Variants in OSBPL8 observed in about 807,000 individuals in gnomAD.
The protein encoded by OSBPL8 is oxysterol-binding protein-related protein 8.
A neutral mutation model predicts 125.5 loss-of-function variants in OSBPL8; 59 were observed. That is an observed-to-expected ratio of 0.47 (90% CI 0.38 to 0.58). The LOEUF (loss-of-function observed/expected upper bound fraction) is 0.58. OSBPL8 is among the 20% of genes least tolerant of loss of function. The pLI is 0.00. For synonymous variants in OSBPL8, 330 were observed against 338.9 expected (o/e 0.97, Z 0.29); for missense variants, 758 against 1,047.8 (o/e 0.72, Z 3.82).
In OSBPL8 at chr12:76,451,361, C is replaced by T. The variant is rs79480265; in HGVS notation, c.80-373G>A. Reference sequence around the variant, plus strand: ...TCCCAAAAAAAAAAATACAAATCGTCGATAAACATATAAAGATACTCAGCC... The same window carrying T: ...TCCCAAAAAAAAAAATACAAATCGTTGATAAACATATAAAGATACTCAGCC... On this transcript the variant is annotated intron_variant, in intron 3 of 23. Coordinates refer to ENST00000261183, the MANE Select transcript of OSBPL8 (RefSeq NM_020841.5). Among the ~76,000 whole-genome samples the T allele has an allele frequency of 2.2e-4, 34 of 151,822 alleles. 1 individual carries two copies. The East Asian group carries it at 6.6e-3, about 29-fold the overall frequency.
chr12:76,378,543 TGA>T lies in OSBPL8; in HGVS notation c.1636_1637del (p.Ser546IlefsTer16). On this transcript the variant is annotated frameshift_variant, in exon 16 of 24. Coordinates refer to ENST00000261183, the MANE Select transcript of OSBPL8 (RefSeq NM_020841.5). LOFTEE classifies it high-confidence loss of function. Reference protein sequence around the residue: ...ILAKSKFYGNSLSAILEGEAR... With the variant: ...ILAKSKFYGNXLSAILEGEAR... Reference sequence around the variant, plus strand: ...CTTCTCCCTCTAATATTGCAGATAATGAGTTTCCTGAAATAAAATGTTGTTTA... The same window carrying T: ...CTTCTCCCTCTAATATTGCAGATAATGTTTCCTGAAATAAAATGTTGTTTA... The T allele has an allele frequency of 6.3e-7, 1 of 1,579,926 alleles. No individual in the cohort carries two copies. The highest frequency in any genetic ancestry group is 8.6e-7 in the Non-Finnish European group (1 of 1,158,326).
At chr12:76,434,817 C>T (rs1871252513) in intron 4 of OSBPL8, among the ~76,000 whole-genome samples, 1 of 152,194 alleles carries the variant, frequency 6.6e-6, no homozygotes, top group Non-Finnish European at 1.5e-5. Context: ...AATGAGGTAT[C>T]ACTTCATACC....
intron 2 of OSBPL8, among the ~76,000 whole-genome samples, chr12:76,483,005 T>C (rs902711100): frequency 6.6e-6 from 1 of 152,188 alleles, no homozygotes; most frequent in African/African-American, 2.4e-5. Context: ...CTCATGCCTG[T>C]AATCCCAGCA....
intron 4 of OSBPL8, among the ~76,000 whole-genome samples, chr12:76,436,334 C>T (rs2136622121): frequency 6.6e-6 from 1 of 152,250 alleles, no homozygotes; most frequent in Non-Finnish European, 1.5e-5. Flanking sequence ...AAACTAACTT[C>T]ATGGTTCATT....
chr12:76,425,330 ATC>A (rs1870021467), intron 4 of OSBPL8, among the ~76,000 whole-genome samples: 1 of 152,216 alleles, frequency 6.6e-6, no homozygotes, highest in East Asian at 1.9e-4. Flanking sequence ...GTACTAAGGC[ATC>A]CACTGTTCAA....
intron 4 of OSBPL8, among the ~76,000 whole-genome samples, chr12:76,411,803 C>A (rs1472236471): frequency 1.3e-5 from 2 of 151,966 alleles, no homozygotes; most frequent in East Asian, 1.9e-4. Flanking sequence ...AAGTATCCTC[C>A]CCACTCCTAT....
At chr12:76,483,824 G>C (rs994788165) in intron 2 of OSBPL8, among the ~76,000 whole-genome samples, 4 of 151,308 alleles carry the variant, frequency 2.6e-5, no homozygotes, top group Non-Finnish European at 4.4e-5. Context: ...ACAGGTGCCC[G>C]CCACGCCACC....
chr12:76,407,731 T>C (rs1475358762), intron 5 of OSBPL8, among the ~76,000 whole-genome samples: 2 of 152,206 alleles, frequency 1.3e-5, no homozygotes, highest in Admixed American at 6.5e-5. Flanking sequence ...TTCACTCTAA[T>C]GCTTTATTCA....
At chr12:76,457,597 C>A (rs1874215966) in intron 3 of OSBPL8, among the ~76,000 whole-genome samples, 1 of 152,094 alleles carries the variant, frequency 6.6e-6, no homozygotes, top group Non-Finnish European at 1.5e-5. Flanking sequence ...CAAGGGTCAA[C>A]TGTACTTCAC....
At chr12:76,553,498 TAA>T (rs34303965) in intron 1 of OSBPL8, among the ~76,000 whole-genome samples, 1 of 136,070 alleles carries the variant, frequency 7.3e-6, no homozygotes. Context: ...ACTCTGTTTC[TAA>T]AAAAAAAAAA....
At chr12:76,465,823 T>C (rs961571960) in intron 2 of OSBPL8, among the ~76,000 whole-genome samples, 4 of 151,874 alleles carry the variant, frequency 2.6e-5, no homozygotes, top group Admixed American at 1.3e-4. Context: ...CTGGCCAACA[T>C]GGTGAAACCC....
chr12:76,547,209 T>C (rs1015117694), intron 1 of OSBPL8, among the ~76,000 whole-genome samples: 12 of 152,104 alleles, frequency 7.9e-5, no homozygotes, highest in African/African-American at 2.9e-4. Context: ...TAAACAAGAT[T>C]AAGAGCAGAA....
intron 1 of OSBPL8, among the ~76,000 whole-genome samples, chr12:76,548,424 A>G (rs1408625661): frequency 1.3e-5 from 2 of 152,216 alleles, no homozygotes; most frequent in Non-Finnish European, 1.5e-5. Flanking sequence ...AGGGTTAAAA[A>G]TAAGAGAACT....
At chr12:76,554,531 A>T (rs950288205) in intron 1 of OSBPL8, among the ~76,000 whole-genome samples, 3 of 152,170 alleles carry the variant, frequency 2.0e-5, no homozygotes, top group Non-Finnish European at 2.9e-5. Context: ...CCACTTATTT[A>T]ATCTGTCAGT....
In OSBPL8 at chr12:76,378,447, T is replaced by C. The variant is rs1385683755; in HGVS notation, c.1729+5A>G. 1.3e-6 allele frequency: 2 copies of C among 1,531,750 alleles called. No individual in the cohort carries two copies. The highest frequency in any genetic ancestry group is 1.8e-6 in the Non-Finnish European group (2 of 1,122,792). The allele number at this position is 1,531,750 out of a possible 1,614,324, so 94.9% of individuals were successfully genotyped here. A position where few individuals can be genotyped will look rare whatever the true frequency, so the allele number is the denominator to read the frequency against. ...ATATCTAATTCAAGTATAGAAAATA[T>C]TTACCTTTACAATGAGCGTATGGCA... On this transcript the variant is annotated splice_donor_5th_base_variant and intron_variant, in intron 16 of 23. Transcript: ENST00000261183.
At chr12:76,442,416 C>T (rs1267584809) in intron 4 of OSBPL8, among the ~76,000 whole-genome samples, 1 of 152,022 alleles carries the variant, frequency 6.6e-6, no homozygotes, top group African/African-American at 2.4e-5. Flanking sequence ...GAAGCAACTA[C>T]CCAAAGACAA....
In OSBPL8 at chr12:76,541,323, C is replaced by A. The variant is rs189446995; in HGVS notation, c.-68+18074G>T. Among the ~76,000 whole-genome samples the A allele has an allele frequency of 5.6e-3, 844 of 151,878 alleles. 14 individuals are homozygous for A. Among genetic ancestry groups the A allele is most frequent in the African/African-American group, 0.02 (818 of 41,412 alleles). The stretch of plus-strand genomic sequence containing the variant: ...GTGAACCCCATCTCCACTAAAAACA[C>A]AAAAATTAGTCAGGTGTGGTGGTGC... On this transcript the variant is annotated intron_variant, in intron 1 of 23. Coordinates refer to ENST00000261183, the MANE Select transcript of OSBPL8 (RefSeq NM_020841.5).
chr12:76,506,337 G>T (rs1880413228), intron 1 of OSBPL8, among the ~76,000 whole-genome samples: 1 of 152,192 alleles, frequency 6.6e-6, no homozygotes, highest in South Asian at 2.1e-4. Flanking sequence ...TGAACATGCA[G>T]ATGTGAGGCT....
intron 1 of OSBPL8, among the ~76,000 whole-genome samples, chr12:76,558,396 C>A (rs1176734634): frequency 6.6e-6 from 1 of 152,096 alleles, no homozygotes; most frequent in Non-Finnish European, 1.5e-5. Flanking sequence ...TCTCTAGATA[C>A]GAAGGGAGGC....
Sources: allele counts gnomAD v4.1 joint callset (sites outside exome capture counted in the v4.1 genomes callset), GRCh38; gene constraint gnomAD v4.1.1; transcripts MANE v1.5; gene names NCBI Gene and HGNC (gene_info 2026-07-23, HGNC 2026-07-21).